The following SASH1 variants were observed in gnomAD, a reference collection of about 807,000 sequenced individuals.
SASH1 encodes SAM and SH3 domain-containing protein 1.
SASH1 carries 44 observed loss-of-function variants against 125.2 expected under a neutral mutation model. That is an observed-to-expected ratio of 0.35 (90% CI 0.28 to 0.45). The LOEUF (loss-of-function observed/expected upper bound fraction) is 0.45. Among genes scored for constraint, SASH1 ranks in the 20% least tolerant of loss-of-function variants. SASH1 has a pLI of 1.00. For synonymous variants in SASH1, 639 were observed against 649.1 expected (o/e 0.98, Z 0.24); for missense variants, 1,426 against 1,614.5 (o/e 0.88, Z 2.00).
chr6:148,429,266 G>C (rs1490801357), intron 2 of SASH1, among the ~76,000 whole-genome samples: 1 of 151,784 alleles, frequency 6.6e-6, no homozygotes. Context: ...CATACCTGTA[G>C]TCCCAGCTAT....
the SASH1 span, among the ~76,000 whole-genome samples, chr6:148,219,215 A>G: frequency 6.6e-6 from 1 of 152,134 alleles, no homozygotes; most frequent in Non-Finnish European, 1.5e-5. Flanking sequence ...CACCTCCTAC[A>G]TCTAATTGAT....
chr6:148,292,648 A>G (rs1779665191), intron 1 of SASH1, among the ~76,000 whole-genome samples: 1 of 152,112 alleles, frequency 6.6e-6, no homozygotes, highest in African/African-American at 2.4e-5. Context: ...CCAGAGCTGT[A>G]CCCTGGCAAC....
rs550961653 is a variant in SASH1 at position 148,515,787 on chromosome 6, C to T, written c.862+1331C>T. Among the ~76,000 whole-genome samples, 3 of 152,256 alleles carry T rather than the reference C, an allele frequency of 2.0e-5. No homozygotes were observed. In the South Asian group the frequency reaches 6.2e-4, roughly 32 times the overall value. On this transcript the variant is annotated intron_variant, in intron 9 of 19. Coordinates refer to ENST00000367467, the MANE Select transcript of SASH1 (RefSeq NM_015278.5). ...GGTCAGTTGGTACTGTTGGGGGAAC[C>T]ATATGGAATTGCCAACATTCAACTT... is the stretch of plus-strand genomic sequence containing the variant.
chr6:148,361,516 C>T (rs574037912), intron 1 of SASH1, among the ~76,000 whole-genome samples: 32 of 152,060 alleles, frequency 2.1e-4, no homozygotes, highest in South Asian at 1.2e-3. Context: ...GCCGGAGAAT[C>T]GCTTGAACCT....
chr6:148,249,355 A>AGG, the SASH1 span, among the ~76,000 whole-genome samples: 1 of 144,960 alleles, frequency 6.9e-6, no homozygotes, highest in Non-Finnish European at 1.5e-5. Context: ...TGCATGCATC[A>AGG]CACACACATG....
intron 1 of SASH1, among the ~76,000 whole-genome samples, chr6:148,368,158 G>A (rs991553894): frequency 9.9e-5 from 15 of 152,238 alleles, no homozygotes; most frequent in African/African-American, 3.6e-4. Context: ...GTTTAAATAA[G>A]CAGTAAGGTT....
At chr6:148,531,925 C>A (rs559313434) in intron 13 of SASH1, among the ~76,000 whole-genome samples, 2 of 151,858 alleles carry the variant, frequency 1.3e-5, no homozygotes, top group African/African-American at 2.4e-5. Flanking sequence ...ATCTAGAGAG[C>A]AGGGGGAATA....
At chr6:148,382,593 CA>C (rs1783187532) in intron 1 of SASH1, among the ~76,000 whole-genome samples, 1 of 152,076 alleles carries the variant, frequency 6.6e-6, no homozygotes, top group Admixed American at 6.6e-5. Context: ...CCTGGCCCCC[CA>C]ATTTTTTTTC....
In SASH1 at chr6:148,533,899, A is replaced by T. The variant is rs1164471444; in HGVS notation, c.1863A>T (p.Lys621Asn). The T allele has an allele frequency of 6.2e-7, 1 of 1,613,906 alleles. No homozygotes were observed. The change falls in exon 15 of 20, where the codon AAA (lysine) becomes AAT (asparagine). Residue 621 changes from lysine (K) to asparagine (N), a missense_variant. Physicochemically the swap from Lys to Asn is moderately conservative, Grantham distance 94 (BLOSUM62 0). Around this residue, in one of 3 missense-constraint regions of SASH1, gnomAD observed 225 missense variants for 344.5 expected, o/e 0.65. Coordinates refer to ENST00000367467, the MANE Select transcript of SASH1 (RefSeq NM_015278.5). This position sits in a 1 kb window ranked among gnomAD's most constrained non-coding sequence, Gnocchi z 6.2. ...DVLSEDEEKP[K>N]RPTRRRRKGR... The stretch of plus-strand genomic sequence containing the variant: ...TCAGTGAAGACGAGGAGAAACCCAA[A>T]CGCCCCACCAGGAGGCGTCGGAAAG...
chr6:148,347,360 A>G (rs1005634721), intron 1 of SASH1, among the ~76,000 whole-genome samples: 6 of 152,218 alleles, frequency 3.9e-5, no homozygotes, highest in African/African-American at 1.4e-4. Flanking sequence ...TTTAAAAAAT[A>G]TCCATTGTAT....
the SASH1 span, among the ~76,000 whole-genome samples, chr6:148,196,921 C>T: frequency 9.9e-5 from 15 of 151,738 alleles, no homozygotes; most frequent in Non-Finnish European, 1.8e-4. Flanking sequence ...ATGATGGTGT[C>T]GAGTAAATGC....
At chr6:148,196,639 G>A in the SASH1 span, among the ~76,000 whole-genome samples, 1 of 152,166 alleles carries the variant, frequency 6.6e-6, no homozygotes. Flanking sequence ...GACTAAATCC[G>A]CTGTTTCTAT....
chr6:148,410,980 C>T lies in SASH1; in HGVS notation c.285+20718C>T, dbSNP rs12055813. ...TTCGAGACCAGCCTGACCAACATGG[C>T]GAAAACCTATCTCTATTAAAAATAC... On this transcript the variant is annotated intron_variant, in intron 2 of 19. Coordinates refer to ENST00000367467, the MANE Select transcript of SASH1 (RefSeq NM_015278.5). 8.6e-5 allele frequency among the ~76,000 whole-genome samples: 13 copies of T among 151,890 alleles called. No individual in the cohort carries two copies. The South Asian group carries it at 1.0e-3, about 12-fold the overall frequency.
chr6:148,475,472 A>G (rs1448025460), intron 7 of SASH1, among the ~76,000 whole-genome samples: 1 of 152,210 alleles, frequency 6.6e-6, no homozygotes, highest in East Asian at 1.9e-4. Flanking sequence ...TATAAGCCAG[A>G]AGGAGGAATG....
chr6:148,457,195 T>TA (rs2115063724), intron 4 of SASH1, among the ~76,000 whole-genome samples: 1 of 151,764 alleles, frequency 6.6e-6, no homozygotes, highest in African/African-American at 2.4e-5. Flanking sequence ...CCCTTTTTTT[T>TA]ACACCTTAAT....
At chr6:148,208,972 T>G in the SASH1 span, among the ~76,000 whole-genome samples, 1 of 152,250 alleles carries the variant, frequency 6.6e-6, no homozygotes, top group African/African-American at 2.4e-5. Flanking sequence ...AAGGCCTTTT[T>G]CTGCTGGGCA....
chr6:148,234,912 A>G, the SASH1 span, among the ~76,000 whole-genome samples: 1 of 152,000 alleles, frequency 6.6e-6, no homozygotes, highest in Non-Finnish European at 1.5e-5. Context: ...GAAAATGCTT[A>G]TTCTCTAACA....
chr6:148,433,268 A>G (rs1286767971), intron 2 of SASH1, among the ~76,000 whole-genome samples: 1 of 152,302 alleles, frequency 6.6e-6, no homozygotes. Flanking sequence ...TAGTCAAAGT[A>G]TGAATATGAA....
intron 1 of SASH1, among the ~76,000 whole-genome samples, chr6:148,382,480 G>A (rs1783179808): frequency 6.6e-6 from 1 of 152,164 alleles, no homozygotes; most frequent in Non-Finnish European, 1.5e-5. Context: ...AGTAGAGACG[G>A]AGTTTCTCCA....
Sources: gnomAD v4.1 joint callset for allele counts (sites outside exome capture counted in the v4.1 genomes callset) on GRCh38, gnomAD v4.1.1 for gene constraint, gnomAD v4.1.1 regional missense constraint, Gnocchi (gnomAD v3.1) non-coding constraint, MANE v1.5 for transcripts, NCBI Gene and HGNC (gene_info 2026-07-23, HGNC 2026-07-21) for gene names.